Variants in PDE10A observed in about 807,000 individuals in gnomAD.
PDE10A encodes the protein cAMP and cAMP-inhibited cGMP 3',5'-cyclic phosphodiesterase 10A.
In PDE10A, 39 loss-of-function variants were observed where a neutral mutation model predicts 97.7. That is an observed-to-expected ratio of 0.40 (90% CI 0.31 to 0.52). The LOEUF is 0.52. PDE10A is among the 20% of genes least tolerant of loss of function. PDE10A has a pLI of 0.56. For missense variants in PDE10A, 731 were observed against 1,047.8 expected (o/e 0.70, Z 4.17); for synonymous variants, 371 against 376.8 (o/e 0.98, Z 0.18).
At chr6:165,769,462 A>G (rs1156763942) in intron 1 of PDE10A, among the ~76,000 whole-genome samples, 1 of 152,146 alleles carries the variant, frequency 6.6e-6, no homozygotes, top group Non-Finnish European at 1.5e-5. Context: ...TCTTGGGGCA[A>G]TTTGTATTGG....
Position 165,552,033 on chromosome 6 carries a change from G to A in PDE10A, c.866-8465C>T, listed in dbSNP as rs915602924. ...TGCCCTCAATCCCCTCCTCTCTTAC[G>A]GCTCAGTGAGACATTTAGCCAATTT... On this transcript the variant is annotated intron_variant, in intron 1 of 21. Coordinates refer to ENST00000539869, the MANE Select transcript of PDE10A (RefSeq NM_001385079.1). 3.3e-5 allele frequency among the ~76,000 whole-genome samples: 5 copies of A among 151,710 alleles called. No homozygotes were observed. In the East Asian group the frequency reaches 5.8e-4, roughly 18 times the overall value.
chr6:165,416,056 G>A, intron 12 of PDE10A, 133 bp downstream of exon 12: 2 of 666,382 alleles, frequency 3.0e-6, no homozygotes, highest in East Asian at 5.2e-5. Flanking sequence ...TAGCAGAGTT[G>A]GTTCAGAGAA....
intron 1 of PDE10A, among the ~76,000 whole-genome samples, chr6:165,758,438 G>A (rs1793168036): frequency 6.6e-6 from 1 of 151,872 alleles, no homozygotes; most frequent in Non-Finnish European, 1.5e-5. Flanking sequence ...TCCAGCCGGG[G>A]TGACAAAGTA....
rs189114992 is a variant in PDE10A, at chr6:165,718,658, C to T, written c.-614-175090G>A. ...CGAACCCCCACCTTTTCCCCCCGGA[C>T]GAGACACAGGAGAGTGTTTCCTGGA... On this transcript the variant is annotated intron_variant, in intron 1 of 19. Coordinates refer to the PDE10A transcript ENST00000366882. 6.5e-4 allele frequency among the ~76,000 whole-genome samples: 99 copies of T among 151,266 alleles called. 1 individual carries two copies. The highest frequency in any genetic ancestry group is 2.8e-3 in the Admixed American group (43 of 15,198).
upstream of PDE10A, among the ~76,000 whole-genome samples, chr6:165,666,940 G>T (rs1161892782): frequency 1.3e-5 from 2 of 152,154 alleles, no homozygotes; most frequent in East Asian, 1.9e-4. Context: ...CTCAATAATT[G>T]CTGGCCTTCC....
chr6:165,444,006 T>C (rs2128245416), intron 5 of PDE10A, among the ~76,000 whole-genome samples: 1 of 152,356 alleles, frequency 6.6e-6, no homozygotes, highest in South Asian at 2.1e-4. Flanking sequence ...CGGTTTGTCC[T>C]TTCTACAACA....
At chr6:165,919,443 C>G (rs546620403) in intron 1 of PDE10A, among the ~76,000 whole-genome samples, 1 of 152,214 alleles carries the variant, frequency 6.6e-6, no homozygotes, top group Admixed American at 6.5e-5. Flanking sequence ...CCACAGACCA[C>G]GTTTCTCCTA....
At chr6:165,584,835 C>A (rs1471206706) in intron 1 of PDE10A, among the ~76,000 whole-genome samples, 3 of 152,160 alleles carry the variant, frequency 2.0e-5, no homozygotes, top group Middle Eastern at 6.8e-3. Context: ...ACCCTACAGG[C>A]AAAGAACCCT....
chr6:165,650,042 A>G (rs1789599711), intron 1 of PDE10A, among the ~76,000 whole-genome samples: 1 of 152,176 alleles, frequency 6.6e-6, no homozygotes, highest in Non-Finnish European at 1.5e-5. Context: ...TTTTTTTAAT[A>G]TTCATCGTTT....
intron 13 of PDE10A, 32 bp from the exon 14 acceptor site, chr6:165,396,491 A>T: frequency 5.7e-6 from 9 of 1,573,240 alleles, no homozygotes; most frequent in Non-Finnish European, 7.7e-6. Context: ...AAAACCCCCA[A>T]AATTAAAAGA....
chr6:165,640,271 C>G (rs941487702), intron 1 of PDE10A, among the ~76,000 whole-genome samples: 5 of 152,006 alleles, frequency 3.3e-5, no homozygotes, highest in Admixed American at 6.6e-5. Context: ...AAATTGCCTG[C>G]CTTTCTGTTT....
chr6:165,934,548 T>G (rs1413443789), intron 1 of PDE10A, among the ~76,000 whole-genome samples: 2 of 152,144 alleles, frequency 1.3e-5, no homozygotes, highest in South Asian at 2.1e-4. Context: ...AAAATTAATT[T>G]TGCATTTATT....
intron 17 of PDE10A, among the ~76,000 whole-genome samples, chr6:165,383,305 T>C (rs1785049446): frequency 6.6e-6 from 1 of 152,206 alleles, no homozygotes; most frequent in African/African-American, 2.4e-5. Flanking sequence ...TAATCATTCA[T>C]ATCTTATGAG....
At position 165,395,226 on chromosome 6, in the gene PDE10A, G is replaced by A; in HGVS notation, c.2258C>T (p.Pro753Leu). 6.2e-7 allele frequency: 1 copy of A among 1,613,370 alleles called. No homozygotes were observed. ...FDIGPFENMW[P>L]GIFVYMVHRS... The stretch of plus-strand genomic sequence containing the variant: ...ATGAACCATGTAGACAAAAATTCCA[G>A]GCCACATGTTTTCAAAAGGACCAAT... Residue 753 changes from proline to leucine, a missense_variant, in exon 15 of 22, where the codon CCT (proline) becomes CTT (leucine). Pro to Leu is a moderately conservative substitution (Grantham distance 98). Transcript: ENST00000539869.
At chr6:165,740,092 C>A (rs1443299271) in intron 1 of PDE10A, among the ~76,000 whole-genome samples, 1 of 152,106 alleles carries the variant, frequency 6.6e-6, no homozygotes, top group Non-Finnish European at 1.5e-5. Flanking sequence ...TATGACCTGG[C>A]AATTCTACTG....
chr6:165,531,360 T>C (rs1436338790), intron 2 of PDE10A, among the ~76,000 whole-genome samples: 3 of 151,732 alleles, frequency 2.0e-5, no homozygotes, highest in Admixed American at 6.6e-5. Flanking sequence ...ATAAATTAAT[T>C]TGTAAACCCA....
At chr6:165,400,341 G>A (rs1223574474) in intron 13 of PDE10A, among the ~76,000 whole-genome samples, 1 of 151,946 alleles carries the variant, frequency 6.6e-6, no homozygotes, top group Non-Finnish European at 1.5e-5. Context: ...TGATCAACTG[G>A]ACTTCTTCAG....
At chr6:165,846,780 T>C (rs1019214557) in intron 1 of PDE10A, among the ~76,000 whole-genome samples, 1 of 152,072 alleles carries the variant, frequency 6.6e-6, no homozygotes, top group Non-Finnish European at 1.5e-5. Flanking sequence ...CCTGTGGGAG[T>C]GAAGCCGAGC....
rs182265044 is a variant in PDE10A at position 165,563,693 on chromosome 6, C to T, written c.866-20125G>A. ...ATCACTTGAGGTCAGAAGTTTACGA[C>T]CAGACTGGCCAACATAGTGAAAACC... On this transcript the variant is annotated intron_variant, in intron 1 of 21. Coordinates refer to ENST00000539869, the MANE Select transcript of PDE10A (RefSeq NM_001385079.1). Among the ~76,000 whole-genome samples, 702 of 152,130 alleles carry T rather than the reference C, an allele frequency of 4.6e-3. 7 individuals are homozygous for T. The highest frequency in any genetic ancestry group is 8.1e-3 in the Non-Finnish European group (550 of 68,010).
Sources: allele counts gnomAD v4.1 joint callset (sites outside exome capture counted in the v4.1 genomes callset), GRCh38; gene constraint gnomAD v4.1.1; transcripts MANE v1.5; gene names NCBI Gene and HGNC (gene_info 2026-07-23, HGNC 2026-07-21).